The following SERPINE2 variants were observed in gnomAD, a reference collection of about 807,000 sequenced individuals.
The protein encoded by SERPINE2 is serpin family E member 2.
In SERPINE2, 14 loss-of-function variants were observed where a neutral mutation model predicts 36.3. The observed-to-expected ratio is 0.39, with a 90% CI of 0.25 to 0.60. The LOEUF is 0.60. SERPINE2 is among the 20% of genes least tolerant of loss of function. SERPINE2 has a pLI of 0.57. For synonymous variants in SERPINE2, 192 were observed against 191.8 expected (o/e 1.00, Z -0.01); for missense variants, 418 against 499.6 (o/e 0.84, Z 1.56).
At chr2:224,018,172 T>A (rs1691864366) in intron 1 of SERPINE2, among the ~76,000 whole-genome samples, 1 of 152,192 alleles carries the variant, frequency 6.6e-6, no homozygotes, top group South Asian at 2.1e-4. Context: ...TGATTGATGG[T>A]CACTGGCGAC....
At chr2:223,980,468 C>T (rs1185769258) in intron 6 of SERPINE2, 71 bp from the exon 7 acceptor site, 7 of 1,340,204 alleles carry the variant, frequency 5.2e-6, no homozygotes, top group Admixed American at 1.7e-5. Flanking sequence ...GGGGAAGTAA[C>T]CTCAAAGCTC....
At chr2:223,991,703 A>G in intron 4 of SERPINE2, 100 bp downstream of exon 4, 1 of 1,240,020 alleles carries the variant, frequency 8.1e-7, no homozygotes. Flanking sequence ...GTTTTTTAAA[A>G]GATGAAAAGT....
intron 1 of SERPINE2, among the ~76,000 whole-genome samples, chr2:224,005,260 C>T (rs558842730): frequency 6.6e-5 from 10 of 151,530 alleles, no homozygotes; most frequent in African/African-American, 1.9e-4. Flanking sequence ...TCCTATGACA[C>T]GGAAGAAAGC....
chr2:224,014,371 C>G (rs1691726811), intron 1 of SERPINE2, among the ~76,000 whole-genome samples: 1 of 151,416 alleles, frequency 6.6e-6, no homozygotes, highest in African/African-American at 2.4e-5. Context: ...AAGACACTGT[C>G]TCAAAAAAAA....
At chr2:223,979,146 G>A (rs1690125018) in intron 7 of SERPINE2, 1 of 152,210 alleles carries the variant, frequency 6.6e-6, no homozygotes, top group African/African-American at 2.4e-5. Context: ...ACTAAGACAG[G>A]AGGACCTGGG....
chr2:223,984,179 A>C (rs1473029224), intron 5 of SERPINE2, among the ~76,000 whole-genome samples: 1 of 152,104 alleles, frequency 6.6e-6, no homozygotes, highest in Non-Finnish European at 1.5e-5. Flanking sequence ...AGTTCTGGAC[A>C]AAGCATTCTC....
chr2:224,036,455 G>T (rs1692539248), intron 1 of SERPINE2, among the ~76,000 whole-genome samples: 1 of 142,866 alleles, frequency 7.0e-6, no homozygotes, highest in African/African-American at 2.6e-5. Flanking sequence ...CACAGGGAGG[G>T]AAACATCACA....
intron 8 of SERPINE2, among the ~76,000 whole-genome samples, chr2:223,977,289 C>T (rs1690050061): frequency 6.6e-6 from 1 of 152,204 alleles, no homozygotes; most frequent in Admixed American, 6.5e-5. Flanking sequence ...CAAAGGGATG[C>T]TGAGCCTCTC....
intron 1 of SERPINE2, among the ~76,000 whole-genome samples, chr2:224,020,532 A>C (rs1691961722): frequency 6.6e-6 from 1 of 152,182 alleles, no homozygotes; most frequent in Non-Finnish European, 1.5e-5. Flanking sequence ...TCTTCAACTA[A>C]TATAATATGC....
chr2:224,021,405 G>T lies in SERPINE2; in HGVS notation c.-23+17694C>A, dbSNP rs560299740. On this transcript the variant is annotated intron_variant, in intron 1 of 8. Coordinates refer to ENST00000409304, the MANE Select transcript of SERPINE2 (RefSeq NM_001136528.2). ...ATTCAGGGCCTACATCAAGAGGGAA[G>T]CACAAGAGTAGAAGCTTCAAAGATG... Among the ~76,000 whole-genome samples the T allele has an allele frequency of 1.8e-4, 27 of 152,280 alleles. No homozygotes were observed. The South Asian group carries it at 5.6e-3, about 32-fold the overall frequency.
chr2:223,984,471 G>C, intron 5 of SERPINE2, among the ~76,000 whole-genome samples: 1 of 152,284 alleles, frequency 6.6e-6, no homozygotes, highest in East Asian at 1.9e-4. Context: ...ATGTCAAAAA[G>C]CCCCTGCAGT....
chr2:224,009,353 G>A (rs1341562765), intron 1 of SERPINE2, among the ~76,000 whole-genome samples: 2 of 152,060 alleles, frequency 1.3e-5, no homozygotes, highest in Admixed American at 1.3e-4. Context: ...TGTTTTGTCC[G>A]AATCATGACA....
intron 1 of SERPINE2, among the ~76,000 whole-genome samples, chr2:224,017,017 G>C (rs1414236756): frequency 6.6e-6 from 1 of 152,164 alleles, no homozygotes; most frequent in Admixed American, 6.5e-5. Context: ...AGGCATGAGG[G>C]GTCCCTGTGG....
At chr2:223,999,466 A>G (rs902135464) in intron 2 of SERPINE2, among the ~76,000 whole-genome samples, 4 of 152,136 alleles carry the variant, frequency 2.6e-5, no homozygotes, top group African/African-American at 9.7e-5. Context: ...CGTCCTCTTC[A>G]GGCCTTTTAC....
intron 1 of SERPINE2, among the ~76,000 whole-genome samples, chr2:224,010,691 T>C (rs538845924): frequency 2.0e-5 from 3 of 152,342 alleles, no homozygotes; most frequent in East Asian, 3.9e-4. Flanking sequence ...TCTGCCATAT[T>C]AGAAATCATA....
intron 5 of SERPINE2, 89 bp from the exon 6 acceptor site, chr2:223,982,870 T>C (rs1690272392): frequency 7.0e-6 from 6 of 862,600 alleles, no homozygotes; most frequent in Admixed American, 2.6e-5. Context: ...ACTGATTCTT[T>C]TAAAGTTAAT....
At chr2:224,026,099 C>G (rs1692172358) in intron 1 of SERPINE2, among the ~76,000 whole-genome samples, 1 of 152,228 alleles carries the variant, frequency 6.6e-6, no homozygotes, top group African/African-American at 2.4e-5. Context: ...CCTCCATGAT[C>G]TTTCTGCTTC....
At chr2:223,984,691 G>T (rs370456195) in intron 5 of SERPINE2, 61 bp downstream of exon 5, 2 of 1,511,314 alleles carry the variant, frequency 1.3e-6, no homozygotes, top group Middle Eastern at 2.4e-4. Flanking sequence ...TCTGGTGTCC[G>T]ACATAACACC....
chr2:223,996,905 C>G (rs1330544505), intron 3 of SERPINE2, among the ~76,000 whole-genome samples: 2 of 152,070 alleles, frequency 1.3e-5, no homozygotes, highest in Non-Finnish European at 2.9e-5. Flanking sequence ...AGTGAGACCC[C>G]ACCTCTTCAA....
Sources: allele counts gnomAD v4.1 joint callset (sites outside exome capture counted in the v4.1 genomes callset), GRCh38; gene constraint gnomAD v4.1.1; transcripts MANE v1.5; gene names NCBI Gene and HGNC (gene_info 2026-07-23, HGNC 2026-07-21).